The following SLC30A8 variants were observed in gnomAD, a reference collection of about 807,000 sequenced individuals.
SLC30A8 encodes the protein proton-coupled zinc antiporter SLC30A8.
In SLC30A8, 27 loss-of-function variants were observed where a neutral mutation model predicts 36.9. The observed-to-expected ratio is 0.73, with a 90% CI of 0.54 to 1.01. The LOEUF is 1.01. Ranked by LOEUF, SLC30A8 falls within the 50% of genes least tolerant of loss-of-function variation. The pLI is 0.00. For missense variants in SLC30A8, 439 were observed against 452.0 expected (o/e 0.97, Z 0.26); for synonymous variants, 164 against 172.4 (o/e 0.95, Z 0.38).
intron 4 of SLC30A8, 35 bp from the exon 5 acceptor site, chr8:117,161,703 C>A (rs1050431782): frequency 6.3e-6 from 10 of 1,582,392 alleles, no homozygotes; most frequent in African/African-American, 1.3e-5. Context: ...TAAGACTGAC[C>A]TCATGTGTGC....
rs927289510 is a variant in SLC30A8, at chr8:117,164,645, A to G, written c.829+1115A>G. On this transcript the variant is annotated intron_variant, in intron 6 of 7. Coordinates refer to ENST00000456015, the MANE Select transcript of SLC30A8 (RefSeq NM_173851.3). The stretch of plus-strand genomic sequence containing the variant: ...ACTTTAATAAGAGGAGAAAGAGATT[A>G]TTCAAAAAATTACACAGAAATGCAG... 2.6e-5 allele frequency among the ~76,000 whole-genome samples: 4 copies of G among 152,172 alleles called. No homozygotes were observed. The East Asian group carries it at 7.7e-4, about 29-fold the overall frequency.
intron 2 of SLC30A8, among the ~76,000 whole-genome samples, chr8:117,086,353 A>AT (rs1158574337): frequency 2.0e-5 from 3 of 152,130 alleles, no homozygotes. Flanking sequence ...CACTTGTAAC[A>AT]TTTTTGCCAC....
upstream of SLC30A8, chr8:116,950,402 T>C (rs1042248500): frequency 1.3e-5 from 2 of 152,244 alleles, no homozygotes; most frequent in African/African-American, 2.4e-5. Flanking sequence ...GTTCTAATTA[T>C]TGAAAACATT....
Position 117,158,466 on chromosome 8 carries a change from A to G in SLC30A8, c.572+622A>G, listed in dbSNP as rs1343355900. On this transcript the variant is annotated intron_variant, in intron 4 of 7. Transcript: ENST00000456015. ...TAATAGAACTCATAAAAGGAAATTT[A>G]TTTCCCTCAAAAACAGCCTCTTTTA... Among the ~76,000 whole-genome samples the G allele has an allele frequency of 2.0e-5, 3 of 152,192 alleles. No individual in the cohort carries two copies. In the East Asian group the frequency reaches 5.8e-4, roughly 29 times the overall value.
chr8:116,970,071 C>T (rs748708126), intron 1 of SLC30A8, among the ~76,000 whole-genome samples: 2 of 151,872 alleles, frequency 1.3e-5, no homozygotes, highest in Admixed American at 6.6e-5. Context: ...TTAAAACACA[C>T]ATTACTCCAA....
At chr8:116,961,377 C>T (rs570133463) in intron 1 of SLC30A8, among the ~76,000 whole-genome samples, 14 of 152,122 alleles carry the variant, frequency 9.2e-5, no homozygotes, top group African/African-American at 2.2e-4. Flanking sequence ...TGCAGTGAGC[C>T]GAGATCGCGC....
intron 4 of SLC30A8, 89 bp downstream of exon 4, chr8:117,157,933 T>C: frequency 7.0e-7 from 1 of 1,425,170 alleles, no homozygotes; most frequent in Non-Finnish European, 9.6e-7. Flanking sequence ...ACTCAGTACA[T>C]GTGAAGATGG....
At chr8:117,073,347 G>A (rs1329036061) in intron 2 of SLC30A8, among the ~76,000 whole-genome samples, 1 of 149,954 alleles carries the variant, frequency 6.7e-6, no homozygotes, top group African/African-American at 2.5e-5. Context: ...ACTTCCTCCT[G>A]GGTTCAAGGA....
intron 2 of SLC30A8, among the ~76,000 whole-genome samples, chr8:117,055,609 A>T (rs1030156069): frequency 9.8e-5 from 15 of 152,302 alleles, no homozygotes; most frequent in African/African-American, 3.4e-4. Context: ...TATTCTGTGT[A>T]TTCTTACCCT....
chr8:117,024,044 C>T (rs1165411939), intron 1 of SLC30A8, among the ~76,000 whole-genome samples: 2 of 152,044 alleles, frequency 1.3e-5, no homozygotes, highest in Non-Finnish European at 2.9e-5. Context: ...CATGATTAAA[C>T]TTGGAATTAC....
At chr8:117,169,371 A>T (rs1823244616) in intron 6 of SLC30A8, among the ~76,000 whole-genome samples, 1 of 152,154 alleles carries the variant, frequency 6.6e-6, no homozygotes. Flanking sequence ...GTCATTGCCA[A>T]GGTCTGATTG....
intron 2 of SLC30A8, among the ~76,000 whole-genome samples, chr8:117,064,090 C>G (rs573521078): frequency 7.3e-4 from 111 of 152,114 alleles, no homozygotes; most frequent in Non-Finnish European, 1.1e-3. Context: ...CTCCCAGGTT[C>G]AAGTGATTCT....
intron 1 of SLC30A8, among the ~76,000 whole-genome samples, chr8:117,146,411 A>G (rs967386393): frequency 1.3e-5 from 2 of 152,078 alleles, no homozygotes; most frequent in African/African-American, 4.8e-5. Context: ...GTAGGTTTCA[A>G]CTCTTATCAT....
chr8:117,066,365 TAGAG>T (rs1014271906), intron 2 of SLC30A8, among the ~76,000 whole-genome samples: 1 of 152,160 alleles, frequency 6.6e-6, no homozygotes, highest in Non-Finnish European at 1.5e-5. Context: ...GATTTTAAAT[TAGAG>T]AGAAAGAAGT....
At chr8:117,014,734 T>G (rs1481944888) in intron 1 of SLC30A8, among the ~76,000 whole-genome samples, 1 of 152,158 alleles carries the variant, frequency 6.6e-6, no homozygotes, top group Non-Finnish European at 1.5e-5. Flanking sequence ...GATAGGTCAC[T>G]GCCCCTGGGA....
Position 117,147,138 on chromosome 8 carries a change from A to T in SLC30A8, c.256A>T (p.Ile86Phe), listed in dbSNP as rs780969938. ...TTCAGCAATATGCTTCATTTTCATG[A>T]TTGCAGAGGTCGTGGGTGAGTCTTT... ...SASAICFIFMIAEVVGGHIAG... is the reference protein window; with the variant it reads ...SASAICFIFMFAEVVGGHIAG... The change falls in exon 2 of 8, where the codon ATT (isoleucine) becomes TTT (phenylalanine). Residue 86 changes from isoleucine (I) to phenylalanine (F), a missense_variant. Ile to Phe is a conservative substitution (Grantham distance 21). Coordinates refer to ENST00000456015, the MANE Select transcript of SLC30A8 (RefSeq NM_173851.3). 18 of 1,613,890 alleles carry T rather than the reference A, an allele frequency of 1.1e-5. No individual in the cohort carries two copies. Among genetic ancestry groups the T allele is most frequent in the Middle Eastern group, 3.4e-4 (2 of 5,884 alleles).
intron 6 of SLC30A8, among the ~76,000 whole-genome samples, chr8:117,168,037 G>A (rs968249957): frequency 3.3e-5 from 5 of 152,092 alleles, no homozygotes; most frequent in African/African-American, 9.7e-5. Context: ...AAAACCATCA[G>A]ATCTGTGAGA....
intron 2 of SLC30A8, among the ~76,000 whole-genome samples, chr8:117,149,860 C>T (rs1350459086): frequency 6.6e-6 from 1 of 152,156 alleles, no homozygotes; most frequent in Non-Finnish European, 1.5e-5. Context: ...GGAGTCTGTC[C>T]CAGCAGCTCA....
intron 1 of SLC30A8, among the ~76,000 whole-genome samples, chr8:117,143,704 A>ACAC (rs1349442131): frequency 2.0e-5 from 3 of 148,562 alleles, no homozygotes; most frequent in Non-Finnish European, 3.0e-5. Flanking sequence ...ACACTCACAC[A>ACAC]TGAACACATC....
Sources: gnomAD v4.1 joint callset for allele counts (sites outside exome capture counted in the v4.1 genomes callset) on GRCh38, gnomAD v4.1.1 for gene constraint, MANE v1.5 for transcripts, NCBI Gene and HGNC (gene_info 2026-07-23, HGNC 2026-07-21) for gene names.